The following FRMD4A variants were observed in gnomAD, a reference collection of about 807,000 sequenced individuals.
The protein encoded by FRMD4A is FERM domain containing 4A.
In FRMD4A, 29 loss-of-function variants were observed where a neutral mutation model predicts 129.1. That is an observed-to-expected ratio of 0.22 (90% CI 0.17 to 0.31). The LOEUF is 0.31. Among genes scored for constraint, FRMD4A ranks in the 10% least tolerant of loss-of-function variants. The pLI is 1.00. For synonymous variants in FRMD4A, 634 were observed against 571.6 expected, an observed-to-expected ratio of 1.11 and a Z score of -1.56; for missense variants, 1,272 against 1,375.8, an observed-to-expected ratio of 0.92 and a Z score of 1.19.
chr10:13,845,983 A>G (rs1401082454), intron 3 of FRMD4A, among the ~76,000 whole-genome samples: 2 of 152,202 alleles, frequency 1.3e-5, no homozygotes, highest in Non-Finnish European at 2.9e-5. Context: ...CATTTGCTGT[A>G]CAACTCTGAA....
At chr10:14,023,415 T>C (rs998000467) in intron 2 of FRMD4A, among the ~76,000 whole-genome samples, 1 of 152,074 alleles carries the variant, frequency 6.6e-6, no homozygotes, top group South Asian at 2.1e-4. Flanking sequence ...CTCAGTGATG[T>C]ACTATAAAGA....
chr10:13,770,459 GT>G (rs1381770491), intron 6 of FRMD4A, among the ~76,000 whole-genome samples: 1 of 151,710 alleles, frequency 6.6e-6, no homozygotes, highest in Admixed American at 6.6e-5. Context: ...ATTTATTTTT[GT>G]TGAGACAGGG....
intron 2 of FRMD4A, among the ~76,000 whole-genome samples, chr10:14,145,679 T>A (rs771731991): frequency 1.3e-5 from 2 of 152,066 alleles, no homozygotes; most frequent in Non-Finnish European, 2.9e-5. Flanking sequence ...CACAGAGAGG[T>A]TAAGCAACAT....
chr10:13,816,153 T>A (rs2093538772), intron 3 of FRMD4A, among the ~76,000 whole-genome samples: 1 of 152,250 alleles, frequency 6.6e-6, no homozygotes, highest in African/African-American at 2.4e-5. Context: ...ACAGTTATTA[T>A]AGACCATATG....
intron 2 of FRMD4A, among the ~76,000 whole-genome samples, chr10:14,165,165 T>C (rs1264608116): frequency 6.6e-6 from 1 of 151,726 alleles, no homozygotes; most frequent in Non-Finnish European, 1.5e-5. Context: ...AATAAGGAAA[T>C]AAAAACAAAA....
Position 13,713,948 on chromosome 10 carries a change from TACAC to T in FRMD4A, c.760-6839_760-6836del, listed in dbSNP as rs201359265. 3.6e-3 allele frequency among the ~76,000 whole-genome samples: 378 copies of T among 105,274 alleles called. 85 individuals carry two copies. The highest frequency in any genetic ancestry group is 5.6e-3 in the African/African-American group (162 of 28,992). 69.1% of individuals were successfully genotyped at this position (105,274 alleles called of 152,430 possible). A position where few individuals can be genotyped will look rare whatever the true frequency, so the allele number is the denominator to read the frequency against. On this transcript the variant is annotated intron_variant, in intron 12 of 24. Coordinates refer to ENST00000357447, the MANE Select transcript of FRMD4A (RefSeq NM_018027.5). The stretch of plus-strand genomic sequence containing the variant: ...ATATATAATATATACATATATGTAA[TACAC>T]ACACATATATAATATATACATATAT...
In FRMD4A at chr10:14,153,885, C is replaced by T. The variant is rs577308465; in HGVS notation, c.45+176173G>A. Among the ~76,000 whole-genome samples, 6 of 152,280 alleles carry T rather than the reference C, an allele frequency of 3.9e-5. No individual in the cohort carries two copies. The South Asian group carries it at 6.2e-4, about 16-fold the overall frequency. ...CGTTCTTTCCTAACTACTCAGGCACCGATGGAGCAGTCCCTGCTGTAATTC... is the reference window on the plus strand; with the variant it reads ...CGTTCTTTCCTAACTACTCAGGCACTGATGGAGCAGTCCCTGCTGTAATTC... On this transcript the variant is annotated intron_variant, in intron 2 of 24. Coordinates refer to ENST00000357447, the MANE Select transcript of FRMD4A (RefSeq NM_018027.5).
chr10:14,147,094 C>G (rs375947674), intron 2 of FRMD4A, among the ~76,000 whole-genome samples: 3 of 152,116 alleles, frequency 2.0e-5, no homozygotes, highest in Non-Finnish European at 4.4e-5. Context: ...GAAAGATGGC[C>G]TGGATCTTGC....
chr10:13,747,700 G>C (rs1157126870), intron 9 of FRMD4A, 36 bp downstream of exon 9: 1 of 1,130,490 alleles, frequency 8.8e-7, no homozygotes, highest in East Asian at 2.3e-5. Context: ...CACCCCGAGA[G>C]GGACTCGCTC....
Position 13,832,413 on chromosome 10 carries a change from T to A in FRMD4A, c.112-21505A>T, listed in dbSNP as rs555270966. ...AGGAGGTCTGTGCGGAAATGTCACC[T>A]GGATCTTCTAAATTAGTGATTTCAG... On this transcript the variant is annotated intron_variant, in intron 3 of 24. Transcript: ENST00000357447. Among the ~76,000 whole-genome samples the A allele has an allele frequency of 5.9e-5, 9 of 152,320 alleles. No individual in the cohort carries two copies. The South Asian group carries it at 1.7e-3, about 28-fold the overall frequency.
intron 3 of FRMD4A, among the ~76,000 whole-genome samples, chr10:13,835,190 G>A (rs574111581): frequency 2.0e-5 from 3 of 152,272 alleles, no homozygotes; most frequent in South Asian, 2.1e-4. Flanking sequence ...TACTTCACTC[G>A]TGGAGCTGTG....
At chr10:14,259,561 C>A (rs932732677) in intron 2 of FRMD4A, among the ~76,000 whole-genome samples, 1 of 152,224 alleles carries the variant, frequency 6.6e-6, no homozygotes, top group East Asian at 1.9e-4. Context: ...AATCTTCATA[C>A]CTCTAGGTAT....
chr10:14,254,539 G>A (rs772210708), intron 2 of FRMD4A, among the ~76,000 whole-genome samples: 1 of 152,108 alleles, frequency 6.6e-6, no homozygotes, highest in Non-Finnish European at 1.5e-5. Flanking sequence ...GGAAGATCCA[G>A]TTTGGATCAC....
chr10:14,043,911 C>T (rs573660979), intron 2 of FRMD4A, among the ~76,000 whole-genome samples: 67 of 152,272 alleles, frequency 4.4e-4, no homozygotes, highest in Non-Finnish European at 6.9e-4. Context: ...ACTATAACTT[C>T]GAACTGTGGG....
At chr10:14,316,050 C>G (rs571935311) in intron 2 of FRMD4A, among the ~76,000 whole-genome samples, 4 of 152,242 alleles carry the variant, frequency 2.6e-5, no homozygotes, top group Admixed American at 2.6e-4. Flanking sequence ...CAACCACATC[C>G]ACCTTCTTTT....
rs1209830457 is a variant in FRMD4A at position 13,982,466 on chromosome 10, AAGGGGAGGGGAGGGG to A, written c.46-123569_46-123555del. ...CCACTGTACTTCAGCCTGAGAAGGG[AAGGGGAGGGGAGGGG>A]AGGGGAGGGGAGGGGAGGGGGGGGA... On this transcript the variant is annotated intron_variant, in intron 2 of 24. Transcript: ENST00000357447. Among the ~76,000 whole-genome samples the A allele has an allele frequency of 1.3e-3, 41 of 31,516 alleles. 1 individual carries two copies. Among genetic ancestry groups the A allele is most frequent in the South Asian group, 3.9e-3 (3 of 768 alleles). The allele number at this position is 31,516 out of a possible 152,430, so 20.7% of individuals were successfully genotyped here. A position where few individuals can be genotyped will look rare whatever the true frequency, so the allele number is the denominator to read the frequency against.
At chr10:14,058,681 G>A (rs899711059) in intron 2 of FRMD4A, among the ~76,000 whole-genome samples, 2 of 152,146 alleles carry the variant, frequency 1.3e-5, no homozygotes, top group Non-Finnish European at 2.9e-5. Flanking sequence ...GTTGGCTGGT[G>A]GAAACACTGA....
intron 6 of FRMD4A, among the ~76,000 whole-genome samples, chr10:13,763,581 T>G (rs906914653): frequency 2.0e-5 from 3 of 152,210 alleles, no homozygotes; most frequent in Non-Finnish European, 4.4e-5. Context: ...GCCTATTAGT[T>G]CTTCCCCCAA....
chr10:14,062,733 T>G (rs1235039299), intron 2 of FRMD4A, among the ~76,000 whole-genome samples: 1 of 152,190 alleles, frequency 6.6e-6, no homozygotes, highest in Non-Finnish European at 1.5e-5. Flanking sequence ...AGAGTGGACT[T>G]CAGGTGTGAT....
Sources: allele counts gnomAD v4.1 joint callset (sites outside exome capture counted in the v4.1 genomes callset), GRCh38; gene constraint gnomAD v4.1.1; transcripts MANE v1.5; gene names NCBI Gene and HGNC (gene_info 2026-07-23, HGNC 2026-07-21).